Variants in KCNK2 observed in about 807,000 individuals in gnomAD.
KCNK2 encodes the protein potassium channel subfamily K member 2.
In KCNK2, 21 loss-of-function variants were observed where a neutral mutation model predicts 40.5. The ratio of observed to expected loss-of-function variants is 0.52; its 90% CI spans 0.37 to 0.75. KCNK2 has a LOEUF of 0.75. Ranked by LOEUF, KCNK2 falls within the 30% of genes least tolerant of loss-of-function variation. The pLI is 0.00. For synonymous variants in KCNK2, 191 were observed against 202.2 expected (o/e 0.94, Z 0.47); for missense variants, 399 against 531.6 (o/e 0.75, Z 2.45).
intron 6 of KCNK2, among the ~76,000 whole-genome samples, chr1:215,213,232 G>A (rs1665816467): frequency 6.6e-6 from 1 of 152,194 alleles, no homozygotes; most frequent in East Asian, 1.9e-4. Flanking sequence ...GCAGGGTAAT[G>A]GTTTTTTGAA....
At chr1:215,044,328 G>T (rs920112918) in intron 1 of KCNK2, among the ~76,000 whole-genome samples, 3 of 152,090 alleles carry the variant, frequency 2.0e-5, no homozygotes, top group African/African-American at 7.2e-5. Context: ...CGGTGGTGAA[G>T]AAATCTGTTA....
chr1:215,120,360 C>A (rs1430507772), intron 2 of KCNK2, among the ~76,000 whole-genome samples: 3 of 152,158 alleles, frequency 2.0e-5, no homozygotes, highest in Non-Finnish European at 4.4e-5. Context: ...CTTTTCTCAT[C>A]TACAACACCA....
chr1:215,141,886 T>C (rs924053571), intron 3 of KCNK2, among the ~76,000 whole-genome samples: 1 of 152,166 alleles, frequency 6.6e-6, no homozygotes, highest in Non-Finnish European at 1.5e-5. Flanking sequence ...TACATTATAG[T>C]TTCAGCTATT....
chr1:215,104,434 C>T (rs1265519324), intron 2 of KCNK2, among the ~76,000 whole-genome samples: 1 of 152,030 alleles, frequency 6.6e-6, no homozygotes, highest in African/African-American at 2.4e-5. Context: ...CTTCTTTGCC[C>T]TACACAGCAG....
At chr1:215,070,207 G>A (rs7537267) in intron 1 of KCNK2, among the ~76,000 whole-genome samples, 7 of 151,156 alleles carry the variant, frequency 4.6e-5, no homozygotes, top group East Asian at 2.0e-4. Flanking sequence ...TCAGCAGATC[G>A]TAGGCATCCT....
At chr1:215,067,730 G>T (rs1448954899) in intron 1 of KCNK2, among the ~76,000 whole-genome samples, 1 of 152,048 alleles carries the variant, frequency 6.6e-6, no homozygotes, top group Non-Finnish European at 1.5e-5. Flanking sequence ...GCTAGACGTG[G>T]TGGTGGGTGC....
chr1:215,103,397 A>C (rs1424855270), intron 2 of KCNK2, among the ~76,000 whole-genome samples: 1 of 152,004 alleles, frequency 6.6e-6, no homozygotes, highest in African/African-American at 2.4e-5. Flanking sequence ...CACCTCTAAA[A>C]TTTATTTTGT....
At chr1:215,204,655 T>TAA (rs11417867) in intron 6 of KCNK2, among the ~76,000 whole-genome samples, 33 of 152,018 alleles carry the variant, frequency 2.2e-4, no homozygotes, top group Admixed American at 9.8e-4. Context: ...TATTCAGAGC[T>TAA]AAAAAAATCT....
chr1:215,183,273 C>A (rs1664299581), intron 5 of KCNK2, among the ~76,000 whole-genome samples: 1 of 152,074 alleles, frequency 6.6e-6, no homozygotes, highest in Admixed American at 6.6e-5. Context: ...TCTACTTAGG[C>A]TCTTTTCTGC....
intron 6 of KCNK2, among the ~76,000 whole-genome samples, chr1:215,204,543 C>A (rs1340604502): frequency 6.6e-6 from 1 of 151,852 alleles, no homozygotes; most frequent in African/African-American, 2.4e-5. Flanking sequence ...GAGACTGTTA[C>A]CTGTTTTGAG....
intron 1 of KCNK2, among the ~76,000 whole-genome samples, chr1:215,046,030 C>T (rs1195954895): frequency 6.6e-6 from 1 of 152,156 alleles, no homozygotes. Context: ...GTTAATTGTT[C>T]ATGTAACCGT....
At position 215,086,813 on chromosome 1, in the gene KCNK2, A is replaced by G. The variant is rs1491000283; in HGVS notation, c.357+135A>G. On this transcript the variant is annotated intron_variant, in intron 2 of 6. Coordinates refer to ENST00000444842, the MANE Select transcript of KCNK2 (RefSeq NM_001017425.3). ...TCCCACCTCATTTGCCTTAACATAT[A>G]GCTCTTTTCCCCAGTTTCTTTGTCT... 2.0e-5 allele frequency: 14 copies of G among 704,250 alleles called. No homozygotes were observed. In the Admixed American group the frequency reaches 2.2e-4, roughly 11 times the overall value. 43.6% of individuals were successfully genotyped at this position (704,250 alleles called of 1,614,324 possible). A position where few individuals can be genotyped will look rare whatever the true frequency, so the allele number is the denominator to read the frequency against.
chr1:215,156,943 C>T (rs1324547029), intron 3 of KCNK2, among the ~76,000 whole-genome samples: 4 of 99,136 alleles, frequency 4.0e-5, no homozygotes, highest in East Asian at 3.5e-4. Flanking sequence ...CCCAGCTACT[C>T]GCGAGGCTGA....
rs140393079 is a variant in KCNK2 at position 215,194,801 on chromosome 1, T to C, written c.824-152T>C. 1.7e-3 allele frequency: 998 copies of C among 573,892 alleles called. 6 individuals are homozygous for C. The highest frequency in any genetic ancestry group is 0.017 in the African/African-American group (868 of 51,984). 35.5% of individuals were successfully genotyped at this position (573,892 alleles called of 1,614,324 possible). A position where few individuals can be genotyped will look rare whatever the true frequency, so the allele number is the denominator to read the frequency against. ...AAGAATTACGAGTGAAAAGGAGAAA[T>C]TCAAAATGAAGAAAATAATGTAACT... On this transcript the variant is annotated intron_variant, in intron 5 of 6. Transcript: ENST00000444842.
chr1:215,089,623 A>G (rs1450618882), intron 2 of KCNK2, among the ~76,000 whole-genome samples: 1 of 152,064 alleles, frequency 6.6e-6, no homozygotes, highest in African/African-American at 2.4e-5. Context: ...TTCTTTTGTT[A>G]TAGAAGCATG....
At chr1:215,138,113 G>T (rs1179439347) in intron 3 of KCNK2, among the ~76,000 whole-genome samples, 7 of 152,172 alleles carry the variant, frequency 4.6e-5, no homozygotes, top group Non-Finnish European at 7.4e-5. Flanking sequence ...ATGTTCCAAT[G>T]TAGGTGCTAG....
chr1:215,083,587 C>G, intron 1 of KCNK2, 156 bp downstream of exon 1: 2 of 642,854 alleles, frequency 3.1e-6, no homozygotes, highest in Non-Finnish European at 2.8e-6. Context: ...GATTTGGAGG[C>G]AAACCCTTGC....
intron 2 of KCNK2, among the ~76,000 whole-genome samples, chr1:215,089,242 A>T (rs1298849285): frequency 1.3e-5 from 2 of 152,188 alleles, no homozygotes; most frequent in Non-Finnish European, 2.9e-5. Context: ...CATCATTCGG[A>T]TGAGAGTTCA....
chr1:215,084,984 T>A (rs1659367647), intron 1 of KCNK2, among the ~76,000 whole-genome samples: 1 of 152,222 alleles, frequency 6.6e-6, no homozygotes, highest in Admixed American at 6.5e-5. Flanking sequence ...GAATTACAGA[T>A]GTATTTTATG....
Sources: allele counts gnomAD v4.1 joint callset (sites outside exome capture counted in the v4.1 genomes callset), GRCh38; gene constraint gnomAD v4.1.1; transcripts MANE v1.5; gene names NCBI Gene and HGNC (gene_info 2026-07-23, HGNC 2026-07-21).